The following ZNF521 variants were observed in gnomAD, a reference collection of about 807,000 sequenced individuals.
ZNF521 encodes LYST-interacting protein 3.
In ZNF521, 14 loss-of-function variants were observed where a neutral mutation model predicts 105.5. The observed-to-expected ratio is 0.13, with a 90% CI of 0.09 to 0.21. ZNF521 has a LOEUF of 0.21. Among genes scored for constraint, ZNF521 ranks in the 10% least tolerant of loss-of-function variants. The pLI is 1.00. For synonymous variants in ZNF521, 635 were observed against 606.0 expected (o/e 1.05, Z -0.70); for missense variants, 1,233 against 1,629.7 (o/e 0.76, Z 4.19).
At chr18:25,260,208 T>C (rs1051236929) in intron 3 of ZNF521, among the ~76,000 whole-genome samples, 3 of 152,160 alleles carry the variant, frequency 2.0e-5, no homozygotes, top group Non-Finnish European at 4.4e-5. Flanking sequence ...TTATTCACTA[T>C]GTGCCCCATG....
chr18:25,179,077 A>AGTGTATTTCTT (rs2035581764), intron 5 of ZNF521, among the ~76,000 whole-genome samples: 1 of 132,038 alleles, frequency 7.6e-6, no homozygotes. Flanking sequence ...AACCCTTTGA[A>AGTGTATTTCTT]ATGTATTTCT....
At chr18:25,158,597 C>A (rs183569550) in intron 5 of ZNF521, among the ~76,000 whole-genome samples, 38 of 152,060 alleles carry the variant, frequency 2.5e-4, no homozygotes, top group African/African-American at 8.2e-4. Flanking sequence ...CTCTGTAAAA[C>A]AGTTGAGGAT....
In ZNF521 at chr18:25,337,870, G is replaced by A. The variant is rs562468874; in HGVS notation, c.40+13037C>T. On this transcript the variant is annotated intron_variant, in intron 2 of 7. Coordinates refer to ENST00000361524, the MANE Select transcript of ZNF521 (RefSeq NM_015461.3). ...ACCCTGATGACCAGCAGCTGGGGAT[G>A]GACTAGACAACAGCCCATCATACAA... is the stretch of plus-strand genomic sequence containing the variant. Among the ~76,000 whole-genome samples, 26 of 152,254 alleles carry A rather than the reference G, an allele frequency of 1.7e-4. No individual in the cohort carries two copies. In the South Asian group the frequency reaches 5.4e-3, roughly 32 times the overall value.
chr18:25,063,599 G>C (rs1263375300), intron 7 of ZNF521, among the ~76,000 whole-genome samples: 1 of 152,196 alleles, frequency 6.6e-6, no homozygotes, highest in Non-Finnish European at 1.5e-5. Flanking sequence ...GGAAAGTTGA[G>C]CTGAACCTCT....
At chr18:25,275,035 G>T (rs1248679666) in intron 3 of ZNF521, among the ~76,000 whole-genome samples, 1 of 152,088 alleles carries the variant, frequency 6.6e-6, no homozygotes, top group African/African-American at 2.4e-5. Flanking sequence ...CCTTATCTGG[G>T]CTTTCATTCA....
chr18:25,294,917 A>G lies in ZNF521; in HGVS notation c.220+27091T>C, dbSNP rs1383801714. ...TGGGCAGAAATCTTTCTATACTGCT[A>G]TCTGCGACATCCTTTATCTCTTTCA... On this transcript the variant is annotated intron_variant, in intron 3 of 7. Coordinates refer to ENST00000361524, the MANE Select transcript of ZNF521 (RefSeq NM_015461.3). 2.7e-5 allele frequency among the ~76,000 whole-genome samples: 4 copies of G among 150,228 alleles called. No homozygotes were observed. In the East Asian group the frequency reaches 7.9e-4, roughly 30 times the overall value.
At chr18:25,238,109 G>A (rs970087095) in intron 3 of ZNF521, among the ~76,000 whole-genome samples, 1 of 152,068 alleles carries the variant, frequency 6.6e-6, no homozygotes, top group Non-Finnish European at 1.5e-5. Flanking sequence ...CAAGCACCTT[G>A]GCTCTACGTA....
chr18:25,350,110 G>A (rs934477623), intron 2 of ZNF521, among the ~76,000 whole-genome samples: 5 of 152,070 alleles, frequency 3.3e-5, no homozygotes, highest in Non-Finnish European at 5.9e-5. Context: ...GATAACTTCA[G>A]GGACCCCCGC....
At chr18:25,214,509 TTATTTTCTAAAG>T (rs1206760232) in intron 4 of ZNF521, among the ~76,000 whole-genome samples, 1 of 152,170 alleles carries the variant, frequency 6.6e-6, no homozygotes, top group Non-Finnish European at 1.5e-5. Context: ...TATGCTTTCC[TTATTTTCTAAAG>T]TATATTTTCT....
chr18:25,194,073 C>T (rs554429258), intron 5 of ZNF521, among the ~76,000 whole-genome samples: 19 of 151,816 alleles, frequency 1.3e-4, no homozygotes, highest in South Asian at 2.1e-4. Flanking sequence ...AGGGGAACAA[C>T]CTTCCACTAA....
intron 5 of ZNF521, among the ~76,000 whole-genome samples, chr18:25,158,670 AC>A (rs2144513875): frequency 6.6e-6 from 1 of 152,130 alleles, no homozygotes; most frequent in East Asian, 1.9e-4. Context: ...AGGAAAAAAT[AC>A]CAGCCGGGTG....
chr18:25,158,793 T>C (rs920061442), intron 5 of ZNF521, among the ~76,000 whole-genome samples: 3 of 151,830 alleles, frequency 2.0e-5, no homozygotes, highest in African/African-American at 7.3e-5. Flanking sequence ...CCATCTCTAC[T>C]AAAAATACAA....
chr18:25,143,045 C>G (rs2034879010), intron 5 of ZNF521, among the ~76,000 whole-genome samples: 1 of 152,142 alleles, frequency 6.6e-6, no homozygotes, highest in Admixed American at 6.6e-5. Context: ...TTGACCTTCC[C>G]TTGACACAGA....
At chr18:25,099,210 T>G (rs9966616) in intron 5 of ZNF521, among the ~76,000 whole-genome samples, 7,049 of 152,218 alleles carry the variant, frequency 0.046, 529 homozygotes, top group African/African-American at 0.16. Flanking sequence ...GGGAAATAAC[T>G]ACTTAGCAAA....
At chr18:25,340,844 C>T (rs1424895824) in intron 2 of ZNF521, among the ~76,000 whole-genome samples, 1 of 152,026 alleles carries the variant, frequency 6.6e-6, no homozygotes, top group East Asian at 1.9e-4. Context: ...CACACTCATA[C>T]TGGGTTTTAA....
intron 2 of ZNF521, among the ~76,000 whole-genome samples, chr18:25,330,518 T>G (rs573190171): frequency 6.6e-6 from 1 of 152,218 alleles, no homozygotes; most frequent in South Asian, 2.1e-4. Context: ...CAAAGACACT[T>G]CTCAGGACTT....
At position 25,287,988 on chromosome 18, in the gene ZNF521, T is replaced by C. The variant is rs934191310; in HGVS notation, c.220+34020A>G. ...TCATTCTGATTCACATGAAATCTCT[T>C]AATTCTTATGATTTTTTTTCCTCTC... On this transcript the variant is annotated intron_variant, in intron 3 of 7. Transcript: ENST00000361524. Among the ~76,000 whole-genome samples the C allele has an allele frequency of 4.6e-5, 7 of 152,220 alleles. No individual in the cohort carries two copies. The South Asian group carries it at 1.2e-3, about 27-fold the overall frequency.
At chr18:25,207,282 C>T (rs2036098519) in intron 4 of ZNF521, among the ~76,000 whole-genome samples, 1 of 152,152 alleles carries the variant, frequency 6.6e-6, no homozygotes, top group Non-Finnish European at 1.5e-5. Flanking sequence ...CCTAGGACCC[C>T]AGACTGCCAT....
chr18:25,190,939 T>TA (rs775523457), intron 5 of ZNF521, among the ~76,000 whole-genome samples: 28 of 152,348 alleles, frequency 1.8e-4, no homozygotes, highest in South Asian at 1.2e-3. Context: ...GAGATATAAA[T>TA]AAAAAGTCAG....
Sources: allele counts gnomAD v4.1 joint callset (sites outside exome capture counted in the v4.1 genomes callset), GRCh38; gene constraint gnomAD v4.1.1; transcripts MANE v1.5; gene names NCBI Gene and HGNC (gene_info 2026-07-23, HGNC 2026-07-21).